Variants in SCYL2 observed in about 807,000 individuals in gnomAD.
The protein encoded by SCYL2 is SCY1 like pseudokinase 2.
A neutral mutation model predicts 100.4 loss-of-function variants in SCYL2; 36 were observed. The observed-to-expected ratio is 0.36, with a 90% CI of 0.27 to 0.47. The LOEUF (loss-of-function observed/expected upper bound fraction) is 0.47. SCYL2 is among the 20% of genes least tolerant of loss of function. The pLI, the probability that SCYL2 is intolerant of heterozygous loss-of-function variation, is 1.00. For missense variants in SCYL2, 902 were observed against 1,083.9 expected (o/e 0.83, Z 2.36); for synonymous variants, 330 against 359.2 (o/e 0.92, Z 0.92).
At chr12:100,338,161 G>A (rs1952303447) in intron 17 of SCYL2, among the ~76,000 whole-genome samples, 1 of 151,984 alleles carries the variant, frequency 6.6e-6, no homozygotes, top group Non-Finnish European at 1.5e-5. Flanking sequence ...TAAGAATAGA[G>A]GAAACAAATT....
At chr12:100,289,136 G>A (rs1182734305) in intron 2 of SCYL2, among the ~76,000 whole-genome samples, 1 of 152,180 alleles carries the variant, frequency 6.6e-6, no homozygotes, top group East Asian at 1.9e-4. Context: ...TCGAATTAGT[G>A]TTATGTAAAA....
chr12:100,312,008 C>T (rs1477512710), intron 5 of SCYL2, among the ~76,000 whole-genome samples: 7 of 152,282 alleles, frequency 4.6e-5, no homozygotes, highest in South Asian at 2.1e-4. Context: ...GGGTCAGACA[C>T]TGCTAGGTCA....
intron 2 of SCYL2, among the ~76,000 whole-genome samples, chr12:100,283,780 A>G (rs888597960): frequency 2.6e-5 from 4 of 152,190 alleles, no homozygotes; most frequent in Non-Finnish European, 5.9e-5. Context: ...TACATTGAAG[A>G]CTGAATTGGC....
At chr12:100,324,223 A>G (rs1394510531) in intron 11 of SCYL2, among the ~76,000 whole-genome samples, 3 of 152,120 alleles carry the variant, frequency 2.0e-5, no homozygotes, top group African/African-American at 7.2e-5. Context: ...ATTAATAACA[A>G]AGTTTTCATT....
chr12:100,339,293 G>GAGATGTTTCCTGTCACA lies in SCYL2; in HGVS notation c.*121_*122insAGATGTTTCCTGTCACA. 1 of 954,158 alleles carries GAGATGTTTCCTGTCACA rather than the reference G, an allele frequency of 1.0e-6. No homozygotes were observed. Among genetic ancestry groups the GAGATGTTTCCTGTCACA allele is most frequent in the Non-Finnish European group, 1.5e-6 (1 of 646,762 alleles). The allele number at this position is 954,158 out of a possible 1,614,324, so 59.1% of individuals were successfully genotyped here. ...TGGGAAAGTGAACAGTTCTGTGACA[G>GAGATGTTTCCTGTCACA]GAAACATCTCTGTCCATGCCAGCAT... On this transcript the variant is annotated 3_prime_UTR_variant, in exon 18 of 18. Coordinates refer to ENST00000360820, the MANE Select transcript of SCYL2 (RefSeq NM_017988.6).
intron 3 of SCYL2, among the ~76,000 whole-genome samples, chr12:100,295,720 C>CGGGAGA (rs935826080): frequency 1.3e-5 from 2 of 150,840 alleles, no homozygotes; most frequent in African/African-American, 4.9e-5. Flanking sequence ...CGTGGGGAGA[C>CGGGAGA]GGGAGAGGGA....
intron 2 of SCYL2, among the ~76,000 whole-genome samples, chr12:100,291,246 A>C (rs2096310270): frequency 6.6e-6 from 1 of 152,184 alleles, no homozygotes; most frequent in South Asian, 2.1e-4. Flanking sequence ...AACATATTGT[A>C]CACAATTAAT....
At chr12:100,276,459 A>C (rs1204735390) in intron 1 of SCYL2, among the ~76,000 whole-genome samples, 1 of 152,078 alleles carries the variant, frequency 6.6e-6, no homozygotes, top group African/African-American at 2.4e-5. Flanking sequence ...CAGCCTCCCA[A>C]GTAGCTGGGA....
intron 1 of SCYL2, among the ~76,000 whole-genome samples, chr12:100,270,619 CTTTCTT>C (rs1566338207): frequency 7.5e-6 from 1 of 133,706 alleles, no homozygotes; most frequent in Non-Finnish European, 1.6e-5. Context: ...TTTCATGTTG[CTTTCTT>C]TTTTTTTTTT....
intron 1 of SCYL2, among the ~76,000 whole-genome samples, chr12:100,274,364 G>A (rs776030754): frequency 7.2e-5 from 11 of 152,086 alleles, no homozygotes; most frequent in South Asian, 4.1e-4. Flanking sequence ...CTAAATTGTC[G>A]TATATTGTGA....
At chr12:100,271,394 C>T (rs1210182426) in intron 1 of SCYL2, among the ~76,000 whole-genome samples, 2 of 151,744 alleles carry the variant, frequency 1.3e-5, no homozygotes, top group African/African-American at 2.4e-5. Context: ...AGTATTTAAC[C>T]GTATTTCATG....
intron 8 of SCYL2, among the ~76,000 whole-genome samples, chr12:100,315,291 T>C (rs2096347129): frequency 6.6e-6 from 1 of 152,132 alleles, no homozygotes; most frequent in African/African-American, 2.4e-5. Flanking sequence ...AAAACAAACA[T>C]AGCGGTGGAG....
chr12:100,291,218 G>T (rs950729985), intron 2 of SCYL2, among the ~76,000 whole-genome samples: 2 of 152,024 alleles, frequency 1.3e-5, no homozygotes, highest in Admixed American at 6.6e-5. Context: ...GTCCATAAGA[G>T]ATTACTACAC....
In SCYL2 at chr12:100,339,368, T is replaced by G. The variant is rs1287071512; in HGVS notation, c.*196T>G. 6 of 545,576 alleles carry G rather than the reference T, an allele frequency of 1.1e-5. No homozygotes were observed. Among genetic ancestry groups the G allele is most frequent in the Non-Finnish European group, 1.6e-5 (5 of 322,034 alleles). The allele number at this position is 545,576 out of a possible 1,614,324, so 33.8% of individuals were successfully genotyped here. On this transcript the variant is annotated 3_prime_UTR_variant, in exon 18 of 18. Coordinates refer to ENST00000360820, the MANE Select transcript of SCYL2 (RefSeq NM_017988.6). ...GTTGAGTTTTTTAAAGCATTGAGGATTTTTTCCTCTTACCAACTCCTCTTC... is the reference window on the plus strand; with the variant it reads ...GTTGAGTTTTTTAAAGCATTGAGGAGTTTTTCCTCTTACCAACTCCTCTTC...
At chr12:100,284,190 C>T (rs928704158) in intron 2 of SCYL2, among the ~76,000 whole-genome samples, 2 of 152,066 alleles carry the variant, frequency 1.3e-5, no homozygotes, top group African/African-American at 2.4e-5. Context: ...CATCTCTGTG[C>T]GTAACTAGAA....
intron 2 of SCYL2, among the ~76,000 whole-genome samples, chr12:100,285,289 A>G (rs1005106846): frequency 7.9e-5 from 12 of 152,172 alleles, no homozygotes; most frequent in Admixed American, 6.5e-4. Context: ...ATTTAAATGC[A>G]TTTGTATATA....
At chr12:100,294,723 C>T (rs1345137109) in intron 3 of SCYL2, among the ~76,000 whole-genome samples, 47 of 122,734 alleles carry the variant, frequency 3.8e-4, no homozygotes, top group African/African-American at 1.2e-3. Flanking sequence ...CCCTCCCGGA[C>T]GGGGTGGCTG....
chr12:100,275,230 C>T (rs532396435), intron 1 of SCYL2, among the ~76,000 whole-genome samples: 72 of 151,110 alleles, frequency 4.8e-4, no homozygotes, highest in African/African-American at 1.6e-3. Flanking sequence ...GAGACAGGGT[C>T]TCACCCTGTC....
intron 8 of SCYL2, 150 bp from the exon 9 acceptor site, chr12:100,315,408 C>G: frequency 1.7e-6 from 1 of 583,760 alleles, no homozygotes; most frequent in Middle Eastern, 4.8e-4. Context: ...AATAGCATCC[C>G]ACTTTACTCT....
Sources: allele counts gnomAD v4.1 joint callset (sites outside exome capture counted in the v4.1 genomes callset), GRCh38; gene constraint gnomAD v4.1.1; transcripts MANE v1.5; gene names NCBI Gene and HGNC (gene_info 2026-07-23, HGNC 2026-07-21).